The following AUTS2 variants were observed in gnomAD, a reference collection of about 807,000 sequenced individuals.
AUTS2 encodes the protein autism susceptibility gene 2 protein.
AUTS2 carries 17 observed loss-of-function variants against 112.4 expected under a neutral mutation model. That is an observed-to-expected ratio of 0.15 (90% CI 0.10 to 0.23). AUTS2 has a LOEUF of 0.23. Among genes scored for constraint, AUTS2 ranks in the 10% least tolerant of loss-of-function variants. AUTS2 has a pLI of 1.00. For missense variants in AUTS2, 1,510 were observed against 1,701.6 expected (o/e 0.89, Z 1.98); for synonymous variants, 751 against 702.7 (o/e 1.07, Z -1.09).
intron 5 of AUTS2, among the ~76,000 whole-genome samples, chr7:70,681,076 T>C (rs1808180816): frequency 1.3e-5 from 2 of 151,954 alleles, no homozygotes; most frequent in Admixed American, 6.5e-5. Context: ...GAAAGTGAAG[T>C]TCTGAAGATC....
At chr7:70,019,463 C>T (rs187627726) in intron 2 of AUTS2, among the ~76,000 whole-genome samples, 23 of 152,248 alleles carry the variant, frequency 1.5e-4, no homozygotes, top group African/African-American at 5.5e-4. Context: ...ACTTTAAAAA[C>T]AATTTCTGTG....
At chr7:70,727,094 G>T (rs13246215) in intron 6 of AUTS2, among the ~76,000 whole-genome samples, 18,022 of 152,132 alleles carry the variant, frequency 0.12, 1,566 homozygotes, top group East Asian at 0.38. Flanking sequence ...CATCGGTAAT[G>T]TAACTTTCAG....
intron 5 of AUTS2, among the ~76,000 whole-genome samples, chr7:70,462,781 A>G (rs1370574690): frequency 6.6e-6 from 1 of 151,724 alleles, no homozygotes; most frequent in Non-Finnish European, 1.5e-5. Flanking sequence ...ATATGGTGAA[A>G]CCCCCTCTCT....
intron 6 of AUTS2, among the ~76,000 whole-genome samples, chr7:70,736,772 T>G (rs1324304804): frequency 1.3e-5 from 2 of 152,210 alleles, no homozygotes; most frequent in Non-Finnish European, 2.9e-5. Flanking sequence ...GAGTTTTGTT[T>G]TCTGTTTCAT....
intron 6 of AUTS2, among the ~76,000 whole-genome samples, chr7:70,751,752 A>T (rs564468895): frequency 1.3e-5 from 2 of 151,880 alleles, no homozygotes; most frequent in Non-Finnish European, 2.9e-5. Flanking sequence ...ACAGAATCTC[A>T]CTCTGTTGCC....
chr7:70,102,343 C>G (rs934171360), intron 2 of AUTS2, among the ~76,000 whole-genome samples: 1 of 152,002 alleles, frequency 6.6e-6, no homozygotes, highest in African/African-American at 2.4e-5. Flanking sequence ...TATTCTTGAT[C>G]TCCTGACCTC....
At chr7:69,687,649 A>T (rs1797119477) in intron 1 of AUTS2, among the ~76,000 whole-genome samples, 2 of 152,304 alleles carry the variant, frequency 1.3e-5, no homozygotes, top group South Asian at 4.1e-4. Flanking sequence ...AGACATTTTG[A>T]GTAGGATTAA....
intron 11 of AUTS2, 143 bp from the exon 12 acceptor site, chr7:70,773,885 C>A: frequency 2.7e-6 from 2 of 745,992 alleles, no homozygotes; most frequent in Non-Finnish European, 4.5e-6. Flanking sequence ...CATGTGTGGT[C>A]CCTGAGAAAA....
At chr7:70,693,387 G>A (rs1808858800) in intron 5 of AUTS2, among the ~76,000 whole-genome samples, 1 of 152,218 alleles carries the variant, frequency 6.6e-6, no homozygotes, top group African/African-American at 2.4e-5. Context: ...GTGAATGCCA[G>A]GGGAAGCAAC....
At chr7:69,897,130 G>A (rs1373866675) in intron 1 of AUTS2, among the ~76,000 whole-genome samples, 2 of 152,174 alleles carry the variant, frequency 1.3e-5, no homozygotes, top group Non-Finnish European at 2.9e-5. Context: ...TGTTGAATGA[G>A]TGAAGACCTG....
chr7:70,530,071 C>A (rs1800015177), intron 5 of AUTS2, among the ~76,000 whole-genome samples: 1 of 152,186 alleles, frequency 6.6e-6, no homozygotes, highest in African/African-American at 2.4e-5. Flanking sequence ...AGCTCTAATG[C>A]AAGTGCGTGA....
At chr7:69,735,239 GAA>G (rs1283806091) in intron 1 of AUTS2, among the ~76,000 whole-genome samples, 1 of 152,178 alleles carries the variant, frequency 6.6e-6, no homozygotes. Context: ...AAAAGAATGA[GAA>G]AGCACCTGAG....
chr7:69,875,695 G>T (rs1793699348), intron 1 of AUTS2, among the ~76,000 whole-genome samples: 1 of 152,132 alleles, frequency 6.6e-6, no homozygotes, highest in Non-Finnish European at 1.5e-5. Flanking sequence ...CAAAAGTGGT[G>T]TCCCAATTGA....
intron 4 of AUTS2, among the ~76,000 whole-genome samples, chr7:70,296,025 T>G (rs1788918244): frequency 6.6e-6 from 1 of 152,154 alleles, no homozygotes; most frequent in East Asian, 1.9e-4. Context: ...CATGCACCTT[T>G]CCTTCGTAAT....
intron 2 of AUTS2, among the ~76,000 whole-genome samples, chr7:69,939,950 C>CGG (rs1796559750): frequency 6.6e-6 from 1 of 152,214 alleles, no homozygotes; most frequent in African/African-American, 2.4e-5. Context: ...TTCCACTCAT[C>CGG]ATAACAACAA....
intron 2 of AUTS2, among the ~76,000 whole-genome samples, chr7:69,951,121 A>T (rs1472531641): frequency 6.6e-6 from 1 of 152,128 alleles, no homozygotes; most frequent in Non-Finnish European, 1.5e-5. Flanking sequence ...CTTTAGATAA[A>T]TATTTTATTG....
chr7:70,231,131 T>G (rs927046841), intron 4 of AUTS2, among the ~76,000 whole-genome samples: 1 of 152,236 alleles, frequency 6.6e-6, no homozygotes, highest in Non-Finnish European at 1.5e-5. Context: ...ACAATTTTGT[T>G]CTGTTTCATT....
intron 1 of AUTS2, among the ~76,000 whole-genome samples, chr7:69,729,038 A>G (rs1008148157): frequency 6.6e-6 from 1 of 152,188 alleles, no homozygotes; most frequent in Non-Finnish European, 1.5e-5. Flanking sequence ...TGTGTGTCAC[A>G]TGTTGGTTGT....
chr7:69,884,943 A>G (rs1794208350), intron 1 of AUTS2, among the ~76,000 whole-genome samples: 1 of 152,148 alleles, frequency 6.6e-6, no homozygotes, highest in Admixed American at 6.6e-5. Flanking sequence ...TGTCTCTGAA[A>G]ACCTGCAGGA....
Sources: allele counts gnomAD v4.1 joint callset (sites outside exome capture counted in the v4.1 genomes callset), GRCh38; gene constraint gnomAD v4.1.1; transcripts MANE v1.5; gene names NCBI Gene and HGNC (gene_info 2026-07-23, HGNC 2026-07-21).